Variants in SDCCAG8 observed in about 807,000 individuals in gnomAD.
The protein encoded by SDCCAG8 is serologically defined colon cancer antigen 8.
SDCCAG8 carries 74 observed loss-of-function variants against 101.8 expected under a neutral mutation model. That is an observed-to-expected ratio of 0.73 (90% CI 0.60 to 0.88). The LOEUF (loss-of-function observed/expected upper bound fraction) is 0.88, where lower values mean the gene tolerates loss of function less well. Ranked by LOEUF, SDCCAG8 falls within the 40% of genes least tolerant of loss-of-function variation. The pLI is 0.00. For missense variants in SDCCAG8, 787 were observed against 822.6 expected (o/e 0.96, Z 0.53); for synonymous variants, 281 against 292.9 (o/e 0.96, Z 0.41).
At chr1:243,452,092 G>A (rs1342109134) in intron 16 of SDCCAG8, among the ~76,000 whole-genome samples, 2 of 152,146 alleles carry the variant, frequency 1.3e-5, no homozygotes, top group Admixed American at 6.5e-5. Flanking sequence ...TTACACCTGC[G>A]TGTGCATGCT....
At chr1:243,443,911 A>G (rs1251122596) in intron 16 of SDCCAG8, among the ~76,000 whole-genome samples, 1 of 151,754 alleles carries the variant, frequency 6.6e-6, no homozygotes, top group Non-Finnish European at 1.5e-5. Flanking sequence ...ATTTGTGTGG[A>G]TAACACATTA....
At chr1:243,345,724 A>G (rs2075664041) in intron 12 of SDCCAG8, among the ~76,000 whole-genome samples, 1 of 152,138 alleles carries the variant, frequency 6.6e-6, no homozygotes, top group Admixed American at 6.6e-5. Flanking sequence ...CTAGAGGAAA[A>G]AAGATCAGGG....
chr1:243,320,805 C>T (rs1364144660), intron 9 of SDCCAG8, among the ~76,000 whole-genome samples: 3 of 152,136 alleles, frequency 2.0e-5, no homozygotes, highest in South Asian at 2.1e-4. Flanking sequence ...GGTGATAACC[C>T]TGCTGATTAT....
At chr1:243,343,467 AGT>A (rs2075505622) in intron 11 of SDCCAG8, among the ~76,000 whole-genome samples, 1 of 152,242 alleles carries the variant, frequency 6.6e-6, no homozygotes, top group East Asian at 1.9e-4. Context: ...CAAAGTTCTT[AGT>A]GTTAAGTATA....
At chr1:243,436,899 G>T (rs10927018) in intron 16 of SDCCAG8, among the ~76,000 whole-genome samples, 1 of 151,942 alleles carries the variant, frequency 6.6e-6, no homozygotes, top group Non-Finnish European at 1.5e-5. Flanking sequence ...AGGTCTTTTC[G>T]CAAAAAGACA....
chr1:243,469,214 G>C (rs1375448877), intron 16 of SDCCAG8, among the ~76,000 whole-genome samples: 1 of 152,132 alleles, frequency 6.6e-6, no homozygotes, highest in African/African-American at 2.4e-5. Context: ...ATATTATCTA[G>C]TTTAGGCTGA....
rs754838222 is a variant in SDCCAG8 at position 243,489,032 on chromosome 1, G to A, written c.2004G>A (p.Lys668=). The change falls in exon 17 of 18, where the codon AAG becomes AAA. Residue 668 remains lysine (K), a synonymous_variant. Coordinates refer to ENST00000366541, the MANE Select transcript of SDCCAG8 (RefSeq NM_006642.5). ...TCTCCAGGCTAAGGCAGCTGGATAAGCACAGCCAGGCCACAGCCCAGCAGC... is the reference window on the plus strand; with the variant it reads ...TCTCCAGGCTAAGGCAGCTGGATAAACACAGCCAGGCCACAGCCCAGCAGC... ...TMKQRLRQLD[K]HSQATAQQLV... is the part of the protein sequence containing the mutation. The A allele has an allele frequency of 1.9e-6, 3 of 1,613,318 alleles. No individual in the cohort carries two copies. Among genetic ancestry groups the A allele is most frequent in the Non-Finnish European group, 2.5e-6 (3 of 1,180,040 alleles).
intron 14 of SDCCAG8, 42 bp from the exon 15 acceptor site, chr1:243,417,926 C>T (rs766315890): frequency 7.0e-7 from 1 of 1,434,008 alleles, no homozygotes. Context: ...GAGCGACAAC[C>T]ATAAACATCT....
chr1:243,261,999 G>A (rs867838211), intron 1 of SDCCAG8, among the ~76,000 whole-genome samples: 2 of 150,614 alleles, frequency 1.3e-5, no homozygotes, highest in South Asian at 2.1e-4. Flanking sequence ...TAGTAGAGAC[G>A]GGGTTTCTCC....
chr1:243,421,754 G>A (rs530597240), intron 15 of SDCCAG8, among the ~76,000 whole-genome samples: 1 of 152,170 alleles, frequency 6.6e-6, no homozygotes, highest in Non-Finnish European at 1.5e-5. Flanking sequence ...GCTGATTTTA[G>A]TTGAAGCTCA....
At chr1:243,348,202 ATTTTTTTTT>A (rs74162279) in intron 12 of SDCCAG8, among the ~76,000 whole-genome samples, 3 of 131,646 alleles carry the variant, frequency 2.3e-5, no homozygotes, top group Non-Finnish European at 1.6e-5. Flanking sequence ...CGCCCGGCTA[ATTTTTTTTT>A]TTTTTTTTTT....
intron 1 of SDCCAG8, among the ~76,000 whole-genome samples, chr1:243,265,358 GC>G (rs2067503098): frequency 6.6e-6 from 1 of 152,164 alleles, no homozygotes; most frequent in Non-Finnish European, 1.5e-5. Flanking sequence ...AAACCCTAAA[GC>G]CTTGTGTGTC....
At chr1:243,273,973 AAGT>A (rs1369302220) in intron 3 of SDCCAG8, among the ~76,000 whole-genome samples, 2 of 152,226 alleles carry the variant, frequency 1.3e-5, no homozygotes, top group Non-Finnish European at 2.9e-5. Flanking sequence ...ATAGAGAAGC[AAGT>A]ATTTGTATTA....
At chr1:243,263,492 T>C (rs1370498483) in intron 1 of SDCCAG8, among the ~76,000 whole-genome samples, 1 of 147,502 alleles carries the variant, frequency 6.8e-6, no homozygotes. Context: ...CTATGTTCTT[T>C]GCCAGCCTGG....
chr1:243,428,273 CATTG>C (rs969938489), intron 16 of SDCCAG8, among the ~76,000 whole-genome samples: 12 of 152,272 alleles, frequency 7.9e-5, no homozygotes, highest in South Asian at 2.1e-4. Flanking sequence ...GTTCATTCAA[CATTG>C]ATTGATTGAT....
At chr1:243,332,005 C>T (rs776844048) in intron 10 of SDCCAG8, among the ~76,000 whole-genome samples, 3 of 152,138 alleles carry the variant, frequency 2.0e-5, no homozygotes, top group African/African-American at 4.8e-5. Flanking sequence ...TAGGCAGTCA[C>T]GAAAGACTTT....
At chr1:243,259,005 T>C (rs183992443) in intron 1 of SDCCAG8, among the ~76,000 whole-genome samples, 1 of 152,198 alleles carries the variant, frequency 6.6e-6, no homozygotes. Context: ...GCACATGTAG[T>C]CACTACTAAT....
chr1:243,389,775 G>C (rs1396485841), intron 13 of SDCCAG8, among the ~76,000 whole-genome samples: 1 of 152,182 alleles, frequency 6.6e-6, no homozygotes, highest in Non-Finnish European at 1.5e-5. Flanking sequence ...AGCCTCCGAA[G>C]GGGAAGCTTG....
intron 16 of SDCCAG8, among the ~76,000 whole-genome samples, chr1:243,428,902 TA>T (rs2081523778): frequency 6.6e-6 from 1 of 152,238 alleles, no homozygotes; most frequent in African/African-American, 2.4e-5. Context: ...CTGTGTGGAC[TA>T]AATCGTCTGC....
Sources: allele counts gnomAD v4.1 joint callset (sites outside exome capture counted in the v4.1 genomes callset), GRCh38; gene constraint gnomAD v4.1.1; transcripts MANE v1.5; gene names NCBI Gene and HGNC (gene_info 2026-07-23, HGNC 2026-07-21).